KCNH5: variants seen among roughly 807,000 people sequenced by gnomAD.
KCNH5 encodes potassium voltage-gated channel subfamily H member 5.
KCNH5 carries 46 observed loss-of-function variants against 96.1 expected under a neutral mutation model. The ratio of observed to expected loss-of-function variants is 0.48; its 90% CI spans 0.38 to 0.61. The LOEUF is 0.61. Among genes scored for constraint, KCNH5 ranks in the 20% least tolerant of loss-of-function variants. The pLI, the probability that KCNH5 is intolerant of heterozygous loss-of-function variation, is 0.00. For missense variants in KCNH5, 907 were observed against 1,225.8 expected, an observed-to-expected ratio of 0.74 and a Z score of 3.88; for synonymous variants, 439 against 449.8, an observed-to-expected ratio of 0.98 and a Z score of 0.30.
At chr14:62,827,996 T>C (rs1009940451) in intron 8 of KCNH5, among the ~76,000 whole-genome samples, 10 of 152,188 alleles carry the variant, frequency 6.6e-5, no homozygotes, top group Non-Finnish European at 1.3e-4. Context: ...TACTCCTCTA[T>C]ATTTGTTCTT....
intron 8 of KCNH5, among the ~76,000 whole-genome samples, chr14:62,832,813 G>A (rs1360836391): frequency 6.6e-6 from 1 of 152,148 alleles, no homozygotes; most frequent in African/African-American, 2.4e-5. Context: ...GCAGTTGACA[G>A]GTAATATCTC....
chr14:62,957,501 A>G (rs745843271), intron 6 of KCNH5, among the ~76,000 whole-genome samples: 1 of 152,104 alleles, frequency 6.6e-6, no homozygotes, highest in Non-Finnish European at 1.5e-5. Context: ...AGCTGTGTTT[A>G]TTTTTCCCCC....
intron 7 of KCNH5, among the ~76,000 whole-genome samples, chr14:62,882,699 A>G (rs1888518421): frequency 6.6e-6 from 1 of 152,156 alleles, no homozygotes. Flanking sequence ...AGTTTACTAA[A>G]TTTGCTTTAC....
At chr14:62,788,654 C>A (rs941691225) in intron 9 of KCNH5, among the ~76,000 whole-genome samples, 3 of 152,112 alleles carry the variant, frequency 2.0e-5, no homozygotes, top group Non-Finnish European at 2.9e-5. Context: ...TAAGAAATTG[C>A]CCCCTCTATT....
chr14:62,875,610 C>G (rs539685844), intron 7 of KCNH5, among the ~76,000 whole-genome samples: 1 of 152,102 alleles, frequency 6.6e-6, no homozygotes. Context: ...TAAATTAGTT[C>G]AACCATTGTG....
chr14:62,906,377 G>C (rs976975574), intron 7 of KCNH5, among the ~76,000 whole-genome samples: 6 of 152,118 alleles, frequency 3.9e-5, no homozygotes, highest in South Asian at 2.1e-4. Context: ...GTCAGAGAAG[G>C]CTTCTCTAAT....
chr14:62,946,881 A>G (rs966147627), intron 7 of KCNH5, among the ~76,000 whole-genome samples: 6 of 152,172 alleles, frequency 3.9e-5, no homozygotes, highest in Admixed American at 3.3e-4. Flanking sequence ...AAAATTATAA[A>G]GATGGAGAGC....
At chr14:62,730,194 C>T (rs905243482) in intron 10 of KCNH5, among the ~76,000 whole-genome samples, 9 of 152,120 alleles carry the variant, frequency 5.9e-5, no homozygotes, top group African/African-American at 1.4e-4. Context: ...TGCAAGAATA[C>T]ATAGTTACTC....
At chr14:62,966,419 A>G (rs1890306492) in intron 6 of KCNH5, among the ~76,000 whole-genome samples, 1 of 152,172 alleles carries the variant, frequency 6.6e-6, no homozygotes, top group Non-Finnish European at 1.5e-5. Flanking sequence ...CAGTCTCCCC[A>G]AGAAGACAAC....
chr14:62,913,709 T>C (rs529975001), intron 7 of KCNH5, among the ~76,000 whole-genome samples: 1 of 152,324 alleles, frequency 6.6e-6, no homozygotes, highest in Admixed American at 6.5e-5. Flanking sequence ...AGATGGCTTT[T>C]ACTCTATACT....
At chr14:62,963,268 A>G (rs1252806321) in intron 6 of KCNH5, among the ~76,000 whole-genome samples, 1 of 152,138 alleles carries the variant, frequency 6.6e-6, no homozygotes, top group Non-Finnish European at 1.5e-5. Flanking sequence ...ACGTCTGTAT[A>G]GGAGAAAGCA....
In KCNH5 at chr14:62,846,789, C is replaced by CTTTTT. The variant is rs766919022; in HGVS notation, c.1569+2859_1569+2863dup. Among the ~76,000 whole-genome samples the CTTTTT allele has an allele frequency of 3.4e-4, 23 of 67,480 alleles. 3 individuals carry two copies. The East Asian group carries it at 3.7e-3, about 11-fold the overall frequency. The allele number at this position is 67,480 out of a possible 152,430, so 44.3% of individuals were successfully genotyped here. A position where few individuals can be genotyped will look rare whatever the true frequency, so the allele number is the denominator to read the frequency against. ...ATTGTATTGTATTATTGTATTGTAT[C>CTTTTT]TTTTTTTTTTTTTTTTTTTTTTTTT... On this transcript the variant is annotated intron_variant, in intron 8 of 10. Transcript: ENST00000322893.
intron 6 of KCNH5, among the ~76,000 whole-genome samples, chr14:62,971,527 G>T (rs1341698897): frequency 6.6e-6 from 1 of 151,908 alleles, no homozygotes; most frequent in African/African-American, 2.4e-5. Context: ...ATATAGACAG[G>T]CAAAAAATTC....
intron 9 of KCNH5, among the ~76,000 whole-genome samples, chr14:62,781,625 C>T (rs999254388): frequency 4.6e-5 from 7 of 152,104 alleles, no homozygotes; most frequent in African/African-American, 1.4e-4. Context: ...AAAAAGAATT[C>T]AGTGATATTT....
intron 1 of KCNH5, among the ~76,000 whole-genome samples, chr14:63,030,673 T>G (rs1891608576): frequency 6.6e-6 from 1 of 152,158 alleles, no homozygotes; most frequent in Admixed American, 6.5e-5. Flanking sequence ...TCAATACTTA[T>G]TGTTAAGTCT....
At chr14:62,998,034 A>T (rs1161841743) in intron 4 of KCNH5, among the ~76,000 whole-genome samples, 3 of 151,680 alleles carry the variant, frequency 2.0e-5, no homozygotes, top group East Asian at 3.9e-4. Context: ...TGCTTCTATT[A>T]TCTGGAAAAG....
rs145280892 is a variant in KCNH5 at position 62,886,494 on chromosome 14, G to A, written c.1370-36642C>T. Among the ~76,000 whole-genome samples, 252 of 152,288 alleles carry A rather than the reference G, an allele frequency of 1.7e-3. 4 individuals are homozygous for A. Among genetic ancestry groups the A allele is most frequent in the Non-Finnish European group, 1.7e-3 (115 of 68,016 alleles). On this transcript the variant is annotated intron_variant, in intron 7 of 10. Coordinates refer to ENST00000322893, the MANE Select transcript of KCNH5 (RefSeq NM_139318.5). Reference sequence around the variant, plus strand: ...CAGGGTTTCTTATGGCTTGAACCAGGAGTGGGGTGTGCATGTGTCTGGAAG... The same window carrying A: ...CAGGGTTTCTTATGGCTTGAACCAGAAGTGGGGTGTGCATGTGTCTGGAAG...
chr14:62,775,421 C>A (rs924374081), intron 10 of KCNH5, among the ~76,000 whole-genome samples: 1 of 152,016 alleles, frequency 6.6e-6, no homozygotes, highest in Non-Finnish European at 1.5e-5. Context: ...TGTGTTTTCC[C>A]ATAAAAATGT....
intron 10 of KCNH5, among the ~76,000 whole-genome samples, chr14:62,749,897 C>T (rs140993898): frequency 4.6e-5 from 7 of 152,244 alleles, no homozygotes; most frequent in Non-Finnish European, 8.8e-5. Context: ...GGGTAATTGT[C>T]GCTGTGAAAG....
Sources: gnomAD v4.1 joint callset for allele counts (sites outside exome capture counted in the v4.1 genomes callset) on GRCh38, gnomAD v4.1.1 for gene constraint, MANE v1.5 for transcripts, NCBI Gene and HGNC (gene_info 2026-07-23, HGNC 2026-07-21) for gene names.